NFKB1: variants seen among roughly 807,000 people sequenced by gnomAD.
NFKB1 encodes nuclear factor NF-kappa-B p105 subunit.
In NFKB1, 9 loss-of-function variants were observed where a neutral mutation model predicts 105.1. The ratio of observed to expected loss-of-function variants is 0.09; its 90% CI spans 0.05 to 0.15. The LOEUF is 0.15. Ranked by LOEUF, NFKB1 falls within the 10% of genes least tolerant of loss-of-function variation. The pLI is 1.00. For synonymous variants in NFKB1, 440 were observed against 442.2 expected, an observed-to-expected ratio of 1.00 and a Z score of 0.06; for missense variants, 830 against 1,203.7, an observed-to-expected ratio of 0.69 and a Z score of 4.59.
intron 1 of NFKB1, among the ~76,000 whole-genome samples, chr4:102,518,470 A>T (rs1238804133): frequency 1.3e-5 from 2 of 152,002 alleles, no homozygotes; most frequent in Admixed American, 6.6e-5. Flanking sequence ...AATTACCAAG[A>T]TAATTAACCC....
At chr4:102,511,576 C>A (rs956439298) in intron 1 of NFKB1, among the ~76,000 whole-genome samples, 1 of 151,816 alleles carries the variant, frequency 6.6e-6, no homozygotes, top group African/African-American at 2.4e-5. Context: ...TTCAGGAGGC[C>A]GAGGTAGGAG....
intron 10 of NFKB1, among the ~76,000 whole-genome samples, chr4:102,583,840 G>C (rs1237206996): frequency 6.6e-6 from 1 of 151,598 alleles, no homozygotes; most frequent in Non-Finnish European, 1.5e-5. Context: ...ATCAGTAAGT[G>C]GCCAGTTAAA....
chr4:102,589,124 AT>A (rs1187330466), intron 11 of NFKB1, among the ~76,000 whole-genome samples: 1 of 152,184 alleles, frequency 6.6e-6, no homozygotes, highest in Non-Finnish European at 1.5e-5. Context: ...TATAATTAAT[AT>A]TTTGCCCTTA....
chr4:102,548,013 T>A (rs1010329959), intron 5 of NFKB1, among the ~76,000 whole-genome samples: 1 of 152,076 alleles, frequency 6.6e-6, no homozygotes, highest in Non-Finnish European at 1.5e-5. Context: ...ATACTTATGA[T>A]AGAGAGCACC....
chr4:102,606,755 G>C, intron 17 of NFKB1, 58 bp downstream of exon 17: 1 of 1,520,644 alleles, frequency 6.6e-7, no homozygotes, highest in Non-Finnish European at 9.0e-7. Context: ...ATATCTACTA[G>C]GTATTTGATA....
intron 6 of NFKB1, among the ~76,000 whole-genome samples, chr4:102,573,747 A>C (rs183294948): frequency 1.3e-5 from 2 of 151,594 alleles, no homozygotes; most frequent in Admixed American, 6.6e-5. Context: ...TTTCTCTTTC[A>C]TTTTGGAAAG....
chr4:102,574,796 A>T (rs1399673265), intron 6 of NFKB1, among the ~76,000 whole-genome samples: 1 of 152,212 alleles, frequency 6.6e-6, no homozygotes, highest in Non-Finnish European at 1.5e-5. Context: ...CTGAAGCAGA[A>T]GACTGACTTC....
intron 16 of NFKB1, among the ~76,000 whole-genome samples, chr4:102,605,860 A>T (rs1371504641): frequency 6.6e-6 from 1 of 152,190 alleles, no homozygotes; most frequent in Non-Finnish European, 1.5e-5. Context: ...TTTTTAATTT[A>T]GTAAATTTAG....
At chr4:102,579,644 A>ATAT (rs1439071994) in intron 8 of NFKB1, among the ~76,000 whole-genome samples, 9 of 101,732 alleles carry the variant, frequency 8.8e-5, no homozygotes, top group African/African-American at 3.7e-4. Context: ...CTCAAAAAAA[A>ATAT]AAATATATAT....
intron 1 of NFKB1, among the ~76,000 whole-genome samples, chr4:102,517,114 G>A (rs1316435889): frequency 2.6e-5 from 4 of 152,164 alleles, no homozygotes; most frequent in African/African-American, 9.7e-5. Context: ...GACCAGAGAT[G>A]ACCCCTATGT....
In NFKB1 at chr4:102,607,187, C is replaced by T. The variant is rs141773343; in HGVS notation, c.1992C>T (p.Ser664=). 99 of 1,614,134 alleles carry T rather than the reference C, an allele frequency of 6.1e-5. No homozygotes were observed. In the African/African-American group the frequency reaches 1.3e-3, roughly 20 times the overall value. Residue 664 remains serine, a synonymous_variant, in exon 18 of 24, where the codon AGC becomes AGT. Transcript: ENST00000226574. The part of the protein sequence containing the change: ...NAIHLAMMSN[S]LPCLLLLVAA... Reference sequence around the variant, plus strand: ...TTCATCTAGCCATGATGAGCAATAGCCTGCCATGTTTGCTGCTGCTGGTGG... The same window carrying T: ...TTCATCTAGCCATGATGAGCAATAGTCTGCCATGTTTGCTGCTGCTGGTGG...
chr4:102,535,530 CTGAA>C (rs751851817), intron 4 of NFKB1, among the ~76,000 whole-genome samples: 2 of 152,096 alleles, frequency 1.3e-5, no homozygotes, highest in Non-Finnish European at 2.9e-5. Context: ...GACTTTCTGA[CTGAA>C]TGGATGTAGC....
At chr4:102,569,598 T>C (rs988591685) in intron 6 of NFKB1, among the ~76,000 whole-genome samples, 7 of 151,910 alleles carry the variant, frequency 4.6e-5, no homozygotes, top group African/African-American at 1.5e-4. Flanking sequence ...AGGCAAAGAG[T>C]ATAGATTCAC....
At chr4:102,524,570 TTG>T (rs1740779286) in intron 1 of NFKB1, among the ~76,000 whole-genome samples, 1 of 152,096 alleles carries the variant, frequency 6.6e-6, no homozygotes, top group Non-Finnish European at 1.5e-5. Flanking sequence ...ATTACATATA[TTG>T]TGCACTTTAT....
At chr4:102,507,747 A>G (rs1739524177) in intron 1 of NFKB1, among the ~76,000 whole-genome samples, 1 of 152,218 alleles carries the variant, frequency 6.6e-6, no homozygotes, top group South Asian at 2.1e-4. Context: ...GTTTTTAATG[A>G]CTTTTATTTG....
chr4:102,551,367 T>TGTGTGC (rs370790173), intron 5 of NFKB1, among the ~76,000 whole-genome samples: 3,021 of 150,170 alleles, frequency 0.02, 50 homozygotes, highest in African/African-American at 0.051. Flanking sequence ...TGTGTGTGTG[T>TGTGTGC]GCGCGCGCGC....
At position 102,501,369 on chromosome 4, in the gene NFKB1, A is replaced by C. The variant is rs1739000158; in HGVS notation, c.-427A>C. On this transcript the variant is annotated 5_prime_UTR_variant, in exon 1 of 24. Transcript: ENST00000226574. ...AGACAGAAAGAGAGAGAAGTGCACC[A>C]GCGAGCCGGGGCAGGAAGAGGAGGT... is the stretch of plus-strand genomic sequence containing the variant. 6.6e-6 allele frequency: 1 copy of C among 151,642 alleles called. No homozygotes were observed. The allele number at this position is 151,642 out of a possible 1,614,324, so 9.4% of individuals were successfully genotyped here.
At chr4:102,560,853 T>C (rs1369718100) in intron 5 of NFKB1, among the ~76,000 whole-genome samples, 1 of 152,204 alleles carries the variant, frequency 6.6e-6, no homozygotes, top group African/African-American at 2.4e-5. Context: ...GGAAAGAAAC[T>C]GGCACTTTAA....
At chr4:102,598,552 C>G (rs190210615) in intron 15 of NFKB1, among the ~76,000 whole-genome samples, 4 of 152,300 alleles carry the variant, frequency 2.6e-5, no homozygotes, top group African/African-American at 7.2e-5. Flanking sequence ...TTCCTTGCAA[C>G]GTAACCAAGG....
Sources: gnomAD v4.1 joint callset for allele counts (sites outside exome capture counted in the v4.1 genomes callset) on GRCh38, gnomAD v4.1.1 for gene constraint, MANE v1.5 for transcripts, NCBI Gene and HGNC (gene_info 2026-07-23, HGNC 2026-07-21) for gene names.